The following KLRC1 variants were observed in gnomAD, a reference collection of about 807,000 sequenced individuals.
KLRC1 encodes NKG2-A/NKG2-B type II integral membrane protein.
A neutral mutation model predicts 25.9 loss-of-function variants in KLRC1; 22 were observed. The ratio of observed to expected loss-of-function variants is 0.85; its 90% CI spans 0.61 to 1.21. The LOEUF is 1.21. KLRC1 is among the 50% of genes most tolerant of loss of function. The pLI is 0.00. For missense variants in KLRC1, 240 were observed against 272.2 expected (o/e 0.88, Z 0.83); for synonymous variants, 77 against 93.1 (o/e 0.83, Z 0.99).
rs951996842 is a variant in KLRC1 at position 10,446,363 on chromosome 12, A to G, written c.*188T>C. On this transcript the variant is annotated 3_prime_UTR_variant, in exon 7 of 7. Transcript: ENST00000359151. Reference sequence around the variant, plus strand: ...CACAAATACCATGTTGAGCAAAATGAGCCCGACACAAATGCTAGGATGTCT... The same window carrying G: ...CACAAATACCATGTTGAGCAAAATGGGCCCGACACAAATGCTAGGATGTCT... 71 of 1,361,484 alleles carry G rather than the reference A, an allele frequency of 5.2e-5. No homozygotes were observed. The African/African-American group carries it at 1.0e-3, about 20-fold the overall frequency. 84.3% of individuals were successfully genotyped at this position (1,361,484 alleles called of 1,614,324 possible).
rs1591611642 is a variant in KLRC1 at position 10,446,046 on chromosome 12, T to G, written c.*505A>C. On this transcript the variant is annotated 3_prime_UTR_variant, in exon 7 of 7. Coordinates refer to ENST00000359151, the MANE Select transcript of KLRC1 (RefSeq NM_002259.5). The stretch of plus-strand genomic sequence containing the variant: ...GAGAGGCTTTTTTTTTTTTTCTGGA[T>G]AGCTTTATTGAAGTGTCGTGTACAA... 6 of 151,512 alleles carry G rather than the reference T, an allele frequency of 4.0e-5. No individual in the cohort carries two copies. Among genetic ancestry groups the G allele is most frequent in the Admixed American group, 3.9e-4 (6 of 15,236 alleles). 9.4% of individuals were successfully genotyped at this position (151,512 alleles called of 1,614,324 possible).
Position 10,449,977 on chromosome 12 carries a change from TTAAAG to T in KLRC1, c.284-15_284-11del, listed in dbSNP as rs760334898. 42 of 1,460,476 alleles carry T rather than the reference TTAAAG, an allele frequency of 2.9e-5. No individual in the cohort carries two copies. Among genetic ancestry groups the T allele is most frequent in the Non-Finnish European group, 3.8e-5 (42 of 1,100,446 alleles). The allele number at this position is 1,460,476 out of a possible 1,614,324, so 90.5% of individuals were successfully genotyped here. ...CTCTGTATTAATGTAGCTAGAAAAA[TTAAAG>T]TAATCTTTGTAAAAAAATTAGCATC... On this transcript the variant is annotated splice_polypyrimidine_tract_variant and intron_variant, in intron 3 of 6. Transcript: ENST00000359151.
chr12:10,451,236 T>G, intron 1 of KLRC1, 49 bp from the exon 2 acceptor site: 1 of 1,131,952 alleles, frequency 8.8e-7, no homozygotes, highest in South Asian at 2.7e-5. Context: ...TATACAGGAT[T>G]CCCTAGTGCA....
intron 3 of KLRC1, 57 bp from the exon 4 acceptor site, chr12:10,450,024 ATTTTAAG>A (rs1316657147): frequency 4.0e-6 from 5 of 1,234,824 alleles, no homozygotes; most frequent in East Asian, 3.0e-5. Context: ...AATCATAATA[ATTTTAAG>A]TTTTTGTTTG....
intron 5 of KLRC1, among the ~76,000 whole-genome samples, chr12:10,448,938 T>C (rs1430635970): frequency 6.6e-6 from 1 of 152,196 alleles, no homozygotes; most frequent in Non-Finnish European, 1.5e-5. Context: ...ATTCACTTTG[T>C]GATCAATCTG....
rs1428230281 is a variant in KLRC1, at chr12:10,447,567, T to C, written c.555A>G (p.Pro185=). Residue 185 remains proline, a synonymous_variant, in exon 6 of 7, where the codon CCA becomes CCG. Coordinates refer to ENST00000359151, the MANE Select transcript of KLRC1 (RefSeq NM_002259.5). ...AAGCCAAACCATTCATTGTCACCCA[T>C]GGATGATGACTGCTGTTACGAAACA... is the stretch of plus-strand genomic sequence containing the variant. The part of the protein sequence containing the change: ...IGVFRNSSHH[P]WVTMNGLAFK... The C allele has an allele frequency of 4.3e-6, 7 of 1,610,412 alleles. No individual in the cohort carries two copies. The highest frequency in any genetic ancestry group is 4.0e-5 in the African/African-American group (3 of 74,858).
rs1458482058 is a variant in KLRC1 at position 10,451,052 on chromosome 12, T to C, written c.105A>G (p.Glu35=). Residue 35 remains glutamate, a synonymous_variant, in exon 2 of 7, where the codon GAA becomes GAG. Transcript: ENST00000359151. The part of the protein sequence containing the change: ...KGNKNSILAT[E]QEITYAELNL... ...TTAATTCCGCATAGGTTATTTCCTG[T>C]TCAGTTGCTAAAATGGAGTTTTTAT... The C allele has an allele frequency of 1.2e-5, 20 of 1,614,116 alleles. No individual in the cohort carries two copies. The highest frequency in any genetic ancestry group is 2.2e-5 in the East Asian group (1 of 44,862).
chr12:10,443,965 A>G (rs1260808019), downstream of KLRC1, among the ~76,000 whole-genome samples: 3 of 136,912 alleles, frequency 2.2e-5, no homozygotes, highest in African/African-American at 9.0e-5. Flanking sequence ...TTTACCTACA[A>G]TAGAAGTCAA....
chr12:10,450,584 A>G lies in KLRC1; in HGVS notation c.188-5T>C. 6.3e-7 allele frequency: 1 copy of G among 1,577,140 alleles called. No individual in the cohort carries two copies. Among genetic ancestry groups the G allele is most frequent in the Non-Finnish European group, 8.7e-7 (1 of 1,146,668 alleles). ...TCTCTGGAGCTGATGGTAAATCTGC[A>G]GGGAGAGAAATGGGAACAGTGCGAA... On this transcript the variant is annotated splice_region_variant and splice_polypyrimidine_tract_variant and intron_variant, in intron 2 of 6. Transcript: ENST00000359151.
chr12:10,450,229 A>T (rs1421591643), intron 3 of KLRC1: 1 of 436,652 alleles, frequency 2.3e-6, no homozygotes, highest in Non-Finnish European at 4.0e-6. Context: ...ATTTCTCAGT[A>T]AGGTTTTTCA....
chr12:10,451,493 T>C (rs1864125460), intron 1 of KLRC1, among the ~76,000 whole-genome samples: 1 of 151,988 alleles, frequency 6.6e-6, no homozygotes. Context: ...CCGTCTCTAC[T>C]AAAAATACAA....
intron 5 of KLRC1, among the ~76,000 whole-genome samples, chr12:10,448,789 G>A (rs1864054684): frequency 6.6e-6 from 1 of 152,180 alleles, no homozygotes; most frequent in African/African-American, 2.4e-5. Flanking sequence ...TCAAAAGCAG[G>A]TAAACGTTAT....
At chr12:10,454,479 T>C (rs1864177368), upstream of KLRC1, 1 of 276,748 alleles carries the variant, frequency 3.6e-6, no homozygotes, top group Non-Finnish European at 5.5e-6. Context: ...GAGGTAGGCA[T>C]ATCAACTGTA....
At position 10,450,970 on chromosome 12, in the gene KLRC1, C is replaced by G. The variant is rs777855442; in HGVS notation, c.187G>C (p.Asp63His). The G allele has an allele frequency of 5.6e-6, 9 of 1,605,656 alleles. No homozygotes were observed. Among genetic ancestry groups the G allele is most frequent in the Non-Finnish European group, 8.5e-7 (1 of 1,175,000 alleles). ...QGNDKTYHCK[D>H]LPSAPEKLIV... Reference sequence around the variant, plus strand: ...ATTGAGGATCTTTTAAATGCTTTACCTTTGCAGTGATAGGTTTTGTCATTC... The same window carrying G: ...ATTGAGGATCTTTTAAATGCTTTACGTTTGCAGTGATAGGTTTTGTCATTC... The change falls in exon 2 of 7, where the codon GAT becomes CAT. Residue 63 changes from aspartate (D) to histidine (H), a missense_variant and splice_region_variant. Physicochemically the swap from Asp to His is moderately conservative, Grantham distance 81. Transcript: ENST00000359151.
downstream of KLRC1, among the ~76,000 whole-genome samples, chr12:10,445,818 C>T (rs1034644206): frequency 3.6e-4 from 54 of 151,988 alleles, no homozygotes; most frequent in African/African-American, 1.2e-3. Flanking sequence ...AATCAGGATG[C>T]CATTTACAAA....
At chr12:10,449,077 T>C (rs1864063990) in intron 5 of KLRC1, among the ~76,000 whole-genome samples, 160 bp downstream of exon 5, 1 of 152,236 alleles carries the variant, frequency 6.6e-6, no homozygotes, top group Admixed American at 6.5e-5. Context: ...ATTAGCAGTA[T>C]ATGAATTTTA....
In KLRC1 at chr12:10,451,603, C is replaced by T. The variant is rs180861868; in HGVS notation, c.-31-416G>A. On this transcript the variant is annotated intron_variant, in intron 1 of 6. Transcript: ENST00000359151. ...CATGGGCGGCAGAGGTTGCAGTGAG[C>T]GGAGATTGTGCCACTGCACTCCAGC... 5.3e-5 allele frequency among the ~76,000 whole-genome samples: 8 copies of T among 151,596 alleles called. No individual in the cohort carries two copies. In the East Asian group the frequency reaches 1.2e-3, roughly 22 times the overall value.
Position 10,446,203 on chromosome 12 carries a change from A to T in KLRC1, c.*348T>A, listed in dbSNP as rs2734414. On this transcript the variant is annotated 3_prime_UTR_variant, in exon 7 of 7. Transcript: ENST00000359151. ...CACAAAGTAACGTTCTATCAGTTAG[A>T]GGTCATCTCCTATTTCAACCTCCCT... 0.28 allele frequency: 69,231 copies of T among 245,414 alleles called. 13,307 individuals are homozygous for T. The highest frequency in any genetic ancestry group is 0.62 in the African/African-American group (26,547 of 42,836). The allele number at this position is 245,414 out of a possible 1,614,324, so 15.2% of individuals were successfully genotyped here.
intron 5 of KLRC1, among the ~76,000 whole-genome samples, chr12:10,448,832 A>G (rs993055815): frequency 6.6e-6 from 1 of 152,202 alleles, no homozygotes; most frequent in Admixed American, 6.5e-5. Flanking sequence ...AGTGTTTTGG[A>G]GAGGAGTCAG....
Sources: gnomAD v4.1 joint callset for allele counts (sites outside exome capture counted in the v4.1 genomes callset) on GRCh38, gnomAD v4.1.1 for gene constraint, MANE v1.5 for transcripts, NCBI Gene and HGNC (gene_info 2026-07-23, HGNC 2026-07-21) for gene names.